CTIF: variants seen among roughly 807,000 people sequenced by gnomAD.
CTIF encodes the protein cap binding complex dependent translation initiation factor.
Under a neutral mutation model 66.0 loss-of-function variants are expected in CTIF, and 21 were observed. The ratio of observed to expected loss-of-function variants is 0.32; its 90% confidence interval spans 0.23 to 0.46. The LOEUF (loss-of-function observed/expected upper bound fraction) is 0.46, where lower values mean the gene tolerates loss of function less well. Ranked by LOEUF, CTIF falls within the 20% of genes least tolerant of loss-of-function variation. The pLI is 1.00. For missense variants in CTIF, 739 were observed against 812.7 expected, an observed-to-expected ratio of 0.91 and a Z score of 1.10; for synonymous variants, 345 against 326.4, an observed-to-expected ratio of 1.06 and a Z score of -0.62.
At chr18:48,543,982 G>A (rs542965048) in intron 1 of CTIF, among the ~76,000 whole-genome samples, 1 of 152,096 alleles carries the variant, frequency 6.6e-6, no homozygotes, top group Non-Finnish European at 1.5e-5. Flanking sequence ...GTGTCTTGGT[G>A]TCCTACAGTG....
At position 48,765,196 on chromosome 18, in the gene CTIF, A is replaced by G. The variant is rs549287420; in HGVS notation, c.1371+3507A>G. Among the ~76,000 whole-genome samples the G allele has an allele frequency of 4.6e-5, 7 of 152,078 alleles. No homozygotes were observed. In the East Asian group the frequency reaches 5.8e-4, roughly 13 times the overall value. On this transcript the variant is annotated intron_variant, in intron 9 of 11. Coordinates refer to ENST00000256413, the MANE Select transcript of CTIF (RefSeq NM_014772.3). ...ACCTGACTTCATTTTCTGGCAAACT[A>G]TGTTTGCATCCCTTCCTGGCAGGCA... is the stretch of plus-strand genomic sequence containing the variant.
intron 11 of CTIF, among the ~76,000 whole-genome samples, chr18:48,858,775 C>G (rs11876330): frequency 0.48 from 73,592 of 151,998 alleles, 18,118 homozygotes; most frequent in Admixed American, 0.54. Flanking sequence ...TTCTCTCCCC[C>G]ACTTCCTGTC....
intron 6 of CTIF, among the ~76,000 whole-genome samples, chr18:48,672,452 T>C (rs181885127): frequency 6.6e-6 from 1 of 152,218 alleles, no homozygotes; most frequent in East Asian, 1.9e-4. Context: ...ACCAAAAACA[T>C]CCTCCTACTT....
chr18:48,744,963 T>C (rs1467809704), intron 7 of CTIF, among the ~76,000 whole-genome samples: 4 of 152,066 alleles, frequency 2.6e-5, no homozygotes, highest in Non-Finnish European at 5.9e-5. Flanking sequence ...GCTGGGACTA[T>C]AGGTGCACAC....
chr18:48,665,891 T>G (rs1239538691), intron 5 of CTIF, among the ~76,000 whole-genome samples: 1 of 152,226 alleles, frequency 6.6e-6, no homozygotes, highest in Non-Finnish European at 1.5e-5. Context: ...CTTACTTGAG[T>G]CATCTCCACC....
In CTIF at chr18:48,761,588, G is replaced by A. The variant is rs750058959; in HGVS notation, c.1270G>A (p.Asp424Asn). Residue 424 changes from aspartate to asparagine, a missense_variant, in exon 9 of 12, where the codon GAC (aspartate) becomes AAC (asparagine). Asp to Asn is a conservative substitution (Grantham distance 23, BLOSUM62 1). Transcript: ENST00000256413. This position sits in a 1 kb window ranked among gnomAD's most constrained non-coding sequence, Gnocchi z 4.2. ...CACAATCTACCAGAAGGCTGTGTCC[G>A]ACCGCAGCTTCGCCTTCACCGCTGC... is the stretch of plus-strand genomic sequence containing the variant. ...VRTIYQKAVS[D>N]RSFAFTAAKL... 3.7e-6 allele frequency: 6 copies of A among 1,614,078 alleles called. No individual in the cohort carries two copies. Among genetic ancestry groups the A allele is most frequent in the South Asian group, 2.2e-5 (2 of 91,082 alleles).
chr18:48,781,692 C>T (rs949395196), intron 9 of CTIF, among the ~76,000 whole-genome samples: 3 of 152,020 alleles, frequency 2.0e-5, no homozygotes, highest in African/African-American at 7.3e-5. Context: ...GTGTTAGTCT[C>T]CCCTCCTCTC....
At chr18:48,791,307 G>C (rs755433724) in intron 9 of CTIF, among the ~76,000 whole-genome samples, 29 of 152,236 alleles carry the variant, frequency 1.9e-4, no homozygotes, top group Non-Finnish European at 3.2e-4. Context: ...AAGACCTAAG[G>C]CTCCCAAGCC....
chr18:48,646,888 A>G (rs2091042842), intron 3 of CTIF, among the ~76,000 whole-genome samples: 1 of 117,558 alleles, frequency 8.5e-6, no homozygotes, highest in South Asian at 3.2e-4. Context: ...TCTGGAAAAC[A>G]GTTTGGCAGT....
chr18:48,611,390 G>GC (rs1000053018), intron 1 of CTIF, among the ~76,000 whole-genome samples: 2 of 152,248 alleles, frequency 1.3e-5, no homozygotes, highest in African/African-American at 4.8e-5. Flanking sequence ...TCTGAGCTCC[G>GC]CCCTGGGCCC....
chr18:48,742,471 T>A (rs1474870485), intron 7 of CTIF, among the ~76,000 whole-genome samples: 1 of 152,210 alleles, frequency 6.6e-6, no homozygotes, highest in East Asian at 1.9e-4. Context: ...ACCGTAGCAA[T>A]GCCAGAGGAG....
intron 6 of CTIF, among the ~76,000 whole-genome samples, chr18:48,691,670 C>G (rs554673896): frequency 6.6e-6 from 1 of 152,056 alleles, no homozygotes; most frequent in Non-Finnish European, 1.5e-5. Flanking sequence ...TGAGTCTGTC[C>G]TCCTCAAAGA....
intron 10 of CTIF, among the ~76,000 whole-genome samples, chr18:48,833,764 G>A (rs1374056169): frequency 2.0e-5 from 3 of 152,174 alleles, no homozygotes; most frequent in South Asian, 2.1e-4. Flanking sequence ...TAGAACCCCC[G>A]AAGCCTGGCC....
chr18:48,611,980 G>A (rs1382420638), intron 1 of CTIF, among the ~76,000 whole-genome samples: 10 of 152,152 alleles, frequency 6.6e-5, no homozygotes, highest in Admixed American at 3.3e-4. Flanking sequence ...TTTAGAGGAC[G>A]TCAGATGTCC....
chr18:48,751,841 C>G (rs1907848042), intron 7 of CTIF, among the ~76,000 whole-genome samples: 1 of 152,230 alleles, frequency 6.6e-6, no homozygotes, highest in African/African-American at 2.4e-5. Context: ...TGGCCTCAGG[C>G]AAACCCACTG....
chr18:48,681,465 CA>C (rs765045435), intron 6 of CTIF, among the ~76,000 whole-genome samples: 5 of 152,208 alleles, frequency 3.3e-5, no homozygotes, highest in Non-Finnish European at 5.9e-5. Flanking sequence ...CGTAGCCTGC[CA>C]GGGCTGGAAA....
In CTIF at chr18:48,761,312, C is replaced by T; in HGVS notation, c.1072-78C>T. 1 of 1,432,952 alleles carries T rather than the reference C, an allele frequency of 7.0e-7. No homozygotes were observed. The highest frequency in any genetic ancestry group is 1.4e-5 in the African/African-American group (1 of 71,302). The allele number at this position is 1,432,952 out of a possible 1,614,324, so 88.8% of individuals were successfully genotyped here. On this transcript the variant is annotated intron_variant, in intron 8 of 11. Coordinates refer to ENST00000256413, the MANE Select transcript of CTIF (RefSeq NM_014772.3). The surrounding 1 kb of genome is among the most constrained non-coding windows in gnomAD (Gnocchi z 4.2). ...TGGTCCTGCTTTCTGGGGGTGGCCA[C>T]CCTCTTTCCACCAGGCCACCCCTGC...
intron 6 of CTIF, among the ~76,000 whole-genome samples, chr18:48,705,623 G>A (rs1236999366): frequency 2.0e-5 from 3 of 152,164 alleles, no homozygotes; most frequent in Non-Finnish European, 4.4e-5. Flanking sequence ...TTACAGATGG[G>A]GTCACACTGT....
chr18:48,542,188 G>C, intron 1 of CTIF, among the ~76,000 whole-genome samples: 1 of 152,210 alleles, frequency 6.6e-6, no homozygotes, highest in South Asian at 2.1e-4. Context: ...TTATTACCAC[G>C]CATTTAATAA....
Sources: allele counts gnomAD v4.1 joint callset (sites outside exome capture counted in the v4.1 genomes callset), GRCh38; gene constraint gnomAD v4.1.1; non-coding constraint Gnocchi (gnomAD v3.1); transcripts MANE v1.5; gene names NCBI Gene and HGNC (gene_info 2026-07-23, HGNC 2026-07-21).